Variants in MAST4 observed in about 807,000 individuals in gnomAD.
The protein encoded by MAST4 is microtubule-associated serine/threonine-protein kinase 4.
MAST4 carries 89 observed loss-of-function variants against 162.7 expected under a neutral mutation model. That is an observed-to-expected ratio of 0.55 (90% CI 0.46 to 0.65). The LOEUF is 0.65. Ranked by LOEUF, MAST4 falls within the 30% of genes least tolerant of loss-of-function variation. The probability of loss-of-function intolerance (pLI) is 0.00; values close to 1 mark genes in which losing one functional copy is unlikely to be tolerated. For synonymous variants in MAST4, 1,479 were observed against 1,361.1 expected (o/e 1.09, Z -1.91); for missense variants, 3,153 against 3,374.0 (o/e 0.93, Z 1.62).
At chr5:66,997,027 G>A (rs997510418) in intron 4 of MAST4, among the ~76,000 whole-genome samples, 32 of 152,012 alleles carry the variant, frequency 2.1e-4, no homozygotes, top group African/African-American at 7.7e-4. Context: ...TTGTACCTTT[G>A]GCTTTTTCCC....
intron 3 of MAST4, among the ~76,000 whole-genome samples, chr5:66,837,050 G>GTGTGTGTGTGTGTGTGTGTGTA (rs1239384305): frequency 3.3e-5 from 5 of 151,948 alleles, no homozygotes; most frequent in Non-Finnish European, 5.9e-5. Flanking sequence ...GTGTGTGTGT[G>GTGTGTGTGTGTGTGTGTGTGTA]TGTATGTATA....
At chr5:66,646,065 T>C (rs1421539114) in intron 1 of MAST4, among the ~76,000 whole-genome samples, 1 of 152,202 alleles carries the variant, frequency 6.6e-6, no homozygotes, top group Admixed American at 6.6e-5. Context: ...TAGGAAATTA[T>C]AGGGCATTTG....
chr5:66,930,064 A>G (rs1338567466), intron 4 of MAST4, among the ~76,000 whole-genome samples: 1 of 152,206 alleles, frequency 6.6e-6, no homozygotes, highest in African/African-American at 2.4e-5. Flanking sequence ...AGGCCAACCA[A>G]GTGGAATGAA....
chr5:67,044,048 T>C (rs1757080637), intron 4 of MAST4, among the ~76,000 whole-genome samples: 1 of 152,244 alleles, frequency 6.6e-6, no homozygotes, highest in African/African-American at 2.4e-5. Flanking sequence ...CCTGGCAGGC[T>C]AGATTAGGCC....
chr5:66,984,605 A>C (rs1178207009), intron 4 of MAST4, among the ~76,000 whole-genome samples: 1 of 152,138 alleles, frequency 6.6e-6, no homozygotes, highest in Non-Finnish European at 1.5e-5. Flanking sequence ...TTCTGTGTAG[A>C]GGGTGGATAG....
intron 1 of MAST4, among the ~76,000 whole-genome samples, chr5:66,646,816 C>T (rs1019428801): frequency 1.3e-5 from 2 of 152,142 alleles, no homozygotes; most frequent in African/African-American, 2.4e-5. Flanking sequence ...CAGCTCCGCT[C>T]GCTGACAGAA....
intron 12 of MAST4, 57 bp from the exon 13 acceptor site, chr5:67,118,625 A>G: frequency 1.0e-6 from 1 of 989,372 alleles, no homozygotes; most frequent in Non-Finnish European, 1.6e-6. Flanking sequence ...TCAGCTTAGT[A>G]TTCTTATCCA....
chr5:66,637,222 G>A (rs1460953564), intron 1 of MAST4, among the ~76,000 whole-genome samples: 1 of 146,098 alleles, frequency 6.8e-6, no homozygotes, highest in Non-Finnish European at 1.5e-5. Flanking sequence ...TTTCTATTGG[G>A]CATAGGATTA....
At chr5:67,004,941 C>T in intron 4 of MAST4, 2 of 718,730 alleles carry the variant, frequency 2.8e-6, no homozygotes, top group Admixed American at 4.0e-5. Flanking sequence ...TTTTACCTCT[C>T]CCCATTTTAG....
At chr5:66,751,027 C>A (rs1172722106) in intron 1 of MAST4, among the ~76,000 whole-genome samples, 3 of 152,080 alleles carry the variant, frequency 2.0e-5, no homozygotes, top group Non-Finnish European at 1.5e-5. Flanking sequence ...CACCCCCCAG[C>A]AGGGGCACAC....
chr5:66,612,742 C>A (rs576850083), intron 1 of MAST4, among the ~76,000 whole-genome samples: 1 of 152,004 alleles, frequency 6.6e-6, no homozygotes, highest in African/African-American at 2.4e-5. Context: ...TTCCATGGTG[C>A]CTTGACGATT....
intron 1 of MAST4, among the ~76,000 whole-genome samples, chr5:66,725,482 A>T (rs142021494): frequency 3.9e-5 from 6 of 152,288 alleles, no homozygotes; most frequent in African/African-American, 7.2e-5. Context: ...ACAAATATGA[A>T]TGCTCAAAAT....
At chr5:67,096,600 A>G (rs1162441935) in intron 7 of MAST4, among the ~76,000 whole-genome samples, 1 of 152,184 alleles carries the variant, frequency 6.6e-6, no homozygotes, top group Non-Finnish European at 1.5e-5. Context: ...AATGACAAGA[A>G]ACTACAGTTA....
chr5:66,599,290 T>C (rs138537374), intron 1 of MAST4, among the ~76,000 whole-genome samples: 3 of 152,250 alleles, frequency 2.0e-5, no homozygotes, highest in African/African-American at 7.2e-5. Context: ...TGGGCCTCTT[T>C]AAGGAGCAAA....
At chr5:67,127,022 A>G (rs1186897963) in intron 14 of MAST4, among the ~76,000 whole-genome samples, 1 of 152,012 alleles carries the variant, frequency 6.6e-6, no homozygotes, top group Non-Finnish European at 1.5e-5. Context: ...ATGGGAGTTC[A>G]CTCATGATTT....
chr5:67,064,838 A>G (rs1379158267), intron 5 of MAST4, among the ~76,000 whole-genome samples: 4 of 152,148 alleles, frequency 2.6e-5, no homozygotes, highest in Non-Finnish European at 5.9e-5. Context: ...GAGGAGAAGA[A>G]CTCTTGAAAA....
chr5:66,984,830 A>G (rs1265714990), intron 4 of MAST4, among the ~76,000 whole-genome samples: 1 of 152,166 alleles, frequency 6.6e-6, no homozygotes, highest in Non-Finnish European at 1.5e-5. Context: ...CTGGATGAAC[A>G]GAAGATCACG....
intron 4 of MAST4, among the ~76,000 whole-genome samples, chr5:66,952,724 C>T (rs1013992913): frequency 5.9e-5 from 9 of 152,086 alleles, no homozygotes; most frequent in Non-Finnish European, 7.4e-5. Flanking sequence ...CTTGTTCCAC[C>T]GTCAGAGACT....
chr5:67,030,862 A>G (rs1197701060), intron 4 of MAST4, among the ~76,000 whole-genome samples: 1 of 152,166 alleles, frequency 6.6e-6, no homozygotes, highest in African/African-American at 2.4e-5. Context: ...ACATTGTGCT[A>G]AAGAGGCCAA....
Sources: gnomAD v4.1 joint callset for allele counts (sites outside exome capture counted in the v4.1 genomes callset) on GRCh38, gnomAD v4.1.1 for gene constraint, MANE v1.5 for transcripts, NCBI Gene and HGNC (gene_info 2026-07-23, HGNC 2026-07-21) for gene names.